BBS9: variants seen among roughly 807,000 people sequenced by gnomAD.
BBS9 encodes the protein Bardet-Biedl syndrome 9.
In BBS9, 89 loss-of-function variants were observed where a neutral mutation model predicts 117.7. That is an observed-to-expected ratio of 0.76 (90% CI 0.64 to 0.90). BBS9 has a LOEUF of 0.90. Among genes scored for constraint, BBS9 ranks in the 40% least tolerant of loss-of-function variants. The pLI is 0.00. For synonymous variants in BBS9, 379 were observed against 370.9 expected, an observed-to-expected ratio of 1.02 and a Z score of -0.25; for missense variants, 982 against 1,042.2, an observed-to-expected ratio of 0.94 and a Z score of 0.80.
intron 1 of BBS9, among the ~76,000 whole-genome samples, chr7:33,142,967 A>G (rs1321343830): frequency 6.6e-6 from 1 of 151,396 alleles, no homozygotes; most frequent in Non-Finnish European, 1.5e-5. Flanking sequence ...CAAAATTTCT[A>G]GGTTTAACTT....
At chr7:33,340,849 G>T in intron 10 of BBS9, 48 bp from the exon 11 acceptor site, 2 of 1,500,718 alleles carry the variant, frequency 1.3e-6, no homozygotes, top group Non-Finnish European at 1.8e-6. Flanking sequence ...ACTATATATA[G>T]AAAGTTTTAC....
At chr7:33,607,653 C>T (rs1285373831), downstream of BBS9, among the ~76,000 whole-genome samples, 1 of 151,850 alleles carries the variant, frequency 6.6e-6, no homozygotes, top group East Asian at 1.9e-4. Flanking sequence ...TAATTATAGA[C>T]AATTTGTAAT....
intron 1 of BBS9, among the ~76,000 whole-genome samples, chr7:33,137,025 C>A (rs780552632): frequency 6.6e-5 from 10 of 151,870 alleles, no homozygotes; most frequent in Non-Finnish European, 1.5e-5. Context: ...TTTTTTATTT[C>A]TTCTTGAGTC....
At chr7:33,147,831 G>A (rs1387220398) in intron 2 of BBS9, among the ~76,000 whole-genome samples, 2 of 151,582 alleles carry the variant, frequency 1.3e-5, no homozygotes, top group Admixed American at 6.6e-5. Flanking sequence ...CTCACAGTTT[G>A]TGGTGAGCTG....
At chr7:33,401,721 C>T (rs2128792314) in intron 19 of BBS9, among the ~76,000 whole-genome samples, 1 of 152,262 alleles carries the variant, frequency 6.6e-6, no homozygotes, top group Non-Finnish European at 1.5e-5. Context: ...CAGATTAAAC[C>T]TTCAGGCAGC....
chr7:33,385,699 AT>A (rs1379975531), intron 18 of BBS9, among the ~76,000 whole-genome samples: 2 of 152,222 alleles, frequency 1.3e-5, no homozygotes, highest in African/African-American at 4.8e-5. Flanking sequence ...AATTAAAAGA[AT>A]GAATTATTGA....
intron 21 of BBS9, among the ~76,000 whole-genome samples, chr7:33,603,129 T>C (rs1864054989): frequency 6.6e-6 from 1 of 152,174 alleles, no homozygotes; most frequent in South Asian, 2.1e-4. Flanking sequence ...ATCTGTTGGC[T>C]GGGGGACGTC....
At position 33,465,791 on chromosome 7, in the gene BBS9, A is replaced by G. The variant is rs542772182; in HGVS notation, c.2116-39672A>G. On this transcript the variant is annotated intron_variant, in intron 19 of 22. Coordinates refer to ENST00000242067, the MANE Select transcript of BBS9 (RefSeq NM_198428.3). The stretch of plus-strand genomic sequence containing the variant: ...CATGGCACATACTAAATGCTCAATA[A>G]ATGTCAGCTGCTATCACTATATATT... 4.6e-5 allele frequency among the ~76,000 whole-genome samples: 7 copies of G among 152,304 alleles called. No individual in the cohort carries two copies. In the East Asian group the frequency reaches 1.2e-3, roughly 25 times the overall value.
intron 9 of BBS9, among the ~76,000 whole-genome samples, chr7:33,333,546 T>C (rs1320945144): frequency 6.6e-6 from 1 of 151,874 alleles, no homozygotes; most frequent in Non-Finnish European, 1.5e-5. Flanking sequence ...AACAAACATA[T>C]AAAAAAGTGC....
chr7:33,565,447 C>A (rs116450634), intron 21 of BBS9, among the ~76,000 whole-genome samples: 3,547 of 152,166 alleles, frequency 0.023, 128 homozygotes, highest in African/African-American at 0.079. Flanking sequence ...AAATGCATCA[C>A]TGCCAGGTAA....
At chr7:33,370,170 A>G (rs189200223) in intron 17 of BBS9, among the ~76,000 whole-genome samples, 16 of 152,220 alleles carry the variant, frequency 1.1e-4, no homozygotes, top group African/African-American at 3.9e-4. Flanking sequence ...TAGAAAGCAG[A>G]ATAGTAGCTG....
At chr7:33,517,880 AATCT>A (rs1260506975) in intron 20 of BBS9, among the ~76,000 whole-genome samples, 1 of 152,148 alleles carries the variant, frequency 6.6e-6, no homozygotes, top group African/African-American at 2.4e-5. Flanking sequence ...ACTCTTCTCC[AATCT>A]ATTTAACAAG....
chr7:33,209,443 T>C (rs1787595568), intron 5 of BBS9, among the ~76,000 whole-genome samples: 1 of 152,198 alleles, frequency 6.6e-6, no homozygotes, highest in Non-Finnish European at 1.5e-5. Context: ...TGATTTTCGT[T>C]CTTTTGGGTG....
intron 7 of BBS9, among the ~76,000 whole-genome samples, chr7:33,266,286 G>C (rs1053292282): frequency 6.6e-6 from 1 of 152,166 alleles, no homozygotes; most frequent in African/African-American, 2.4e-5. Flanking sequence ...TGATACCATG[G>C]AGCAATATCA....
intron 21 of BBS9, among the ~76,000 whole-genome samples, chr7:33,561,701 A>G (rs1009586795): frequency 6.7e-6 from 1 of 148,504 alleles, no homozygotes; most frequent in Non-Finnish European, 1.5e-5. Flanking sequence ...AGAACAAGAG[A>G]AAAGAAGAAC....
At chr7:33,316,341 C>A (rs867079766) in intron 9 of BBS9, among the ~76,000 whole-genome samples, 1 of 151,976 alleles carries the variant, frequency 6.6e-6, no homozygotes, top group Non-Finnish European at 1.5e-5. Flanking sequence ...AATGAATATA[C>A]CATAATTAAA....
At chr7:33,164,954 C>T (rs996370956) in intron 4 of BBS9, among the ~76,000 whole-genome samples, 38 of 152,252 alleles carry the variant, frequency 2.5e-4, no homozygotes, top group African/African-American at 7.5e-4. Context: ...CGTGTTTTTG[C>T]GGTGGCTGAT....
At chr7:33,403,122 G>T (rs1829217443) in intron 19 of BBS9, among the ~76,000 whole-genome samples, 2 of 151,586 alleles carry the variant, frequency 1.3e-5, no homozygotes, top group Non-Finnish European at 2.9e-5. Flanking sequence ...TTTAGATTCA[G>T]GGAGTAGATG....
intron 19 of BBS9, among the ~76,000 whole-genome samples, chr7:33,502,975 T>G (rs1443063263): frequency 6.6e-6 from 1 of 152,234 alleles, no homozygotes; most frequent in African/African-American, 2.4e-5. Flanking sequence ...TCACAGCTTC[T>G]GATGGTATTT....
Sources: gnomAD v4.1 joint callset for allele counts (sites outside exome capture counted in the v4.1 genomes callset) on GRCh38, gnomAD v4.1.1 for gene constraint, MANE v1.5 for transcripts, NCBI Gene and HGNC (gene_info 2026-07-23, HGNC 2026-07-21) for gene names.